The following ANKRD39 variants were observed in gnomAD, a reference collection of about 807,000 sequenced individuals.
ANKRD39 encodes ankyrin repeat domain-containing protein 39.
A neutral mutation model predicts 20.3 loss-of-function variants in ANKRD39; 18 were observed. The observed-to-expected ratio is 0.89, with a 90% confidence interval of 0.61 to 1.32. The LOEUF (loss-of-function observed/expected upper bound fraction) is 1.32, where lower values mean the gene tolerates loss of function less well. ANKRD39 is among the 40% of genes most tolerant of loss of function. ANKRD39 has a pLI of 0.00. For missense variants in ANKRD39, 243 were observed against 250.7 expected (o/e 0.97, Z 0.21); for synonymous variants, 106 against 111.9 (o/e 0.95, Z 0.33).
At chr2:96,850,535 C>T (rs1025924283) in intron 3 of ANKRD39, among the ~76,000 whole-genome samples, 1 of 151,834 alleles carries the variant, frequency 6.6e-6, no homozygotes, top group Non-Finnish European at 1.5e-5. Context: ...CGTGGTGGTG[C>T]GTGCCTGTAA....
At chr2:96,854,294 GT>G (rs1454637983) in intron 2 of ANKRD39, 43 bp downstream of exon 2, 1 of 1,586,292 alleles carries the variant, frequency 6.3e-7, no homozygotes, top group African/African-American at 1.3e-5. Flanking sequence ...TGTCTCCTGA[GT>G]TAACGCTTCT....
intron 1 of ANKRD39, among the ~76,000 whole-genome samples, chr2:96,855,458 C>T (rs1263249405): frequency 6.6e-6 from 1 of 152,224 alleles, no homozygotes; most frequent in Non-Finnish European, 1.5e-5. Flanking sequence ...GGCGCAGTGG[C>T]TCACGCCTGT....
chr2:96,850,686 A>C (rs145507352), intron 3 of ANKRD39, among the ~76,000 whole-genome samples: 3,947 of 152,060 alleles, frequency 0.026, 209 homozygotes, highest in South Asian at 0.17. Context: ...CAAAACAAAA[A>C]AAAAAACAAA....
chr2:96,854,222 A>G, intron 2 of ANKRD39, 116 bp downstream of exon 2: 1 of 1,067,872 alleles, frequency 9.4e-7, no homozygotes, highest in Non-Finnish European at 1.4e-6. Flanking sequence ...ATTTTGCTGG[A>G]AGAGAAGAAA....
rs770590125 is a variant in ANKRD39 at position 96,854,466 on chromosome 2, G to A, written c.101-25C>T. On this transcript the variant is annotated intron_variant, in intron 1 of 3. Transcript: ENST00000393537. ...CCTGCAGAAAGGCAACCAAAGGACT[G>A]AATGATGCTGAATGGGAGTTTCAGT... The A allele has an allele frequency of 3.9e-5, 62 of 1,605,288 alleles. 1 individual carries two copies. The South Asian group carries it at 5.5e-4, about 14-fold the overall frequency.
intron 3 of ANKRD39, among the ~76,000 whole-genome samples, chr2:96,850,827 A>AT (rs1000220260): frequency 1.8e-4 from 27 of 152,342 alleles, no homozygotes; most frequent in African/African-American, 6.3e-4. Context: ...CTGGCTGTTT[A>AT]TATCTGTCAT....
rs558160075 is a variant in ANKRD39, at chr2:96,854,408, C to A, written c.134G>T (p.Gly45Val). The A allele has an allele frequency of 3.7e-6, 6 of 1,614,210 alleles. No individual in the cohort carries two copies. The South Asian group carries it at 6.6e-5, about 18-fold the overall frequency. The stretch of plus-strand genomic sequence containing the variant: ...CTTCTGGATTAAATGCTTCACTCGG[C>A]CCAGGTCTCCATTCAGGGCTGCCGA... ...IWSAALNGDL[G>V]RVKHLIQKAE... The change falls in exon 2 of 4, where the codon GGC becomes GTC. Residue 45 changes from glycine (G) to valine (V), a missense_variant. Coordinates refer to ENST00000393537, the MANE Select transcript of ANKRD39 (RefSeq NM_016466.6).
chr2:96,852,499 A>C (rs985058257), intron 3 of ANKRD39, among the ~76,000 whole-genome samples: 3 of 148,412 alleles, frequency 2.0e-5, no homozygotes, highest in African/African-American at 7.5e-5. Flanking sequence ...GTGGGGAAAA[A>C]AGACAAAAAA....
chr2:96,856,571 G>A (rs2079866742), intron 1 of ANKRD39, among the ~76,000 whole-genome samples: 1 of 151,914 alleles, frequency 6.6e-6, no homozygotes, highest in Admixed American at 6.6e-5. Context: ...TGACACTTAC[G>A]GGCCGGATGA....
At position 96,853,452 on chromosome 2, in the gene ANKRD39, A is replaced by T. The variant is rs1444035807; in HGVS notation, c.357T>A (p.His119Gln). 1 of 1,596,720 alleles carries T rather than the reference A, an allele frequency of 6.3e-7. No individual in the cohort carries two copies. Among genetic ancestry groups the T allele is most frequent in the Non-Finnish European group, 8.5e-7 (1 of 1,171,920 alleles). The stretch of plus-strand genomic sequence containing the variant: ...CATCCACCACCCTGGGGTTGGACCC[A>T]TGTGATAGCAGGAGCCGCGCGATTT... ...HTEIARLLLS[H>Q]GSNPRVVDDD... Residue 119 changes from histidine to glutamine, a missense_variant, in exon 3 of 4, where the codon CAT (histidine) becomes CAA (glutamine). By Grantham distance (24) the His-to-Gln change is conservative. Transcript: ENST00000393537.
At chr2:96,855,645 C>T (rs1241258988) in intron 1 of ANKRD39, among the ~76,000 whole-genome samples, 1 of 151,374 alleles carries the variant, frequency 6.6e-6, no homozygotes, top group Non-Finnish European at 1.5e-5. Flanking sequence ...ATCGCGTGAA[C>T]CCAGGAGGCA....
chr2:96,853,591 C>A lies in ANKRD39; in HGVS notation c.218G>T (p.Arg73Leu), dbSNP rs779423857. ...CTGGCACACAGCGTAGTGCCCATTG[C>A]GGCTGGCATAGTGCTGCAGGGAACA... ...AGYTALHYAS[R>L]NGHYAVCQFL... Residue 73 changes from arginine (R) to leucine (L), a missense_variant, in exon 3 of 4, where the codon CGC (arginine) becomes CTC (leucine). Transcript: ENST00000393537. 1 of 1,611,852 alleles carries A rather than the reference C, an allele frequency of 6.2e-7. No homozygotes were observed. The highest frequency in any genetic ancestry group is 8.5e-7 in the Non-Finnish European group (1 of 1,179,838).
At chr2:96,848,901 T>C (rs1167423364) in intron 3 of ANKRD39, among the ~76,000 whole-genome samples, 1 of 152,232 alleles carries the variant, frequency 6.6e-6, no homozygotes, top group Non-Finnish European at 1.5e-5. Context: ...CCAGTGACTT[T>C]ATTCTGATTT....
intron 3 of ANKRD39, among the ~76,000 whole-genome samples, chr2:96,852,343 T>TGCCAC (rs2079841863): frequency 7.4e-6 from 1 of 135,592 alleles, no homozygotes; most frequent in Non-Finnish European, 1.5e-5. Context: ...GTTATAATCA[T>TGCCAC]GCCACTGTAC....
intron 1 of ANKRD39, among the ~76,000 whole-genome samples, chr2:96,857,665 TC>T (rs936019240): frequency 6.6e-6 from 1 of 152,188 alleles, no homozygotes; most frequent in Admixed American, 6.5e-5. Context: ...TGCTTCCGCT[TC>T]CCCGCCGCCC....
chr2:96,855,966 T>A (rs1200771161), intron 1 of ANKRD39, among the ~76,000 whole-genome samples: 2 of 151,018 alleles, frequency 1.3e-5, no homozygotes, highest in Non-Finnish European at 2.9e-5. Context: ...AGAGCCAGAC[T>A]CCGACTCAAC....
Position 96,857,914 on chromosome 2 carries a change from G to A in ANKRD39, c.74C>T (p.Thr25Met). The change falls in exon 1 of 4, where the codon ACG becomes ATG. Residue 25 changes from threonine to methionine, a missense_variant. Coordinates refer to ENST00000393537, the MANE Select transcript of ANKRD39 (RefSeq NM_016466.6). ...CCTCTCGAAGTCCATCTCCTCCAGCGTCTGCTGTACGCCGAGCACCGCGCT... is the reference window on the plus strand; with the variant it reads ...CCTCTCGAAGTCCATCTCCTCCAGCATCTGCTGTACGCCGAGCACCGCGCT... ...HPSAVLGVQQTLEEMDFERGI... is the reference protein window; with the variant it reads ...HPSAVLGVQQMLEEMDFERGI... The A allele has an allele frequency of 1.3e-6, 2 of 1,584,854 alleles. No homozygotes were observed. The highest frequency in any genetic ancestry group is 1.7e-6 in the Non-Finnish European group (2 of 1,172,128).
At chr2:96,850,897 C>CA (rs1192584137) in intron 3 of ANKRD39, among the ~76,000 whole-genome samples, 1 of 152,162 alleles carries the variant, frequency 6.6e-6, no homozygotes, top group African/African-American at 2.4e-5. Flanking sequence ...TCTGTCTATC[C>CA]AATTGGCAAT....
At chr2:96,851,545 C>G (rs2079837047) in intron 3 of ANKRD39, among the ~76,000 whole-genome samples, 1 of 152,184 alleles carries the variant, frequency 6.6e-6, no homozygotes, top group Non-Finnish European at 1.5e-5. Context: ...CCTGCCTTGG[C>G]CTCCCAAAGG....
Sources: allele counts gnomAD v4.1 joint callset (sites outside exome capture counted in the v4.1 genomes callset), GRCh38; gene constraint gnomAD v4.1.1; transcripts MANE v1.5; gene names NCBI Gene and HGNC (gene_info 2026-07-23, HGNC 2026-07-21).